UBE4B: variants seen among roughly 807,000 people sequenced by gnomAD.
The protein encoded by UBE4B is ubiquitin conjugation factor E4 B.
In UBE4B, 27 loss-of-function variants were observed where a neutral mutation model predicts 148.1. The ratio of observed to expected loss-of-function variants is 0.18; its 90% CI spans 0.13 to 0.25. The LOEUF is 0.25. UBE4B is among the 10% of genes least tolerant of loss of function. UBE4B has a pLI of 1.00. For missense variants in UBE4B, 1,170 were observed against 1,662.4 expected (o/e 0.70, Z 5.15); for synonymous variants, 596 against 619.3 (o/e 0.96, Z 0.56).
Position 10,119,263 on chromosome 1 carries a change from G to A in UBE4B, c.1339-250G>A, listed in dbSNP as rs145047884. Among the ~76,000 whole-genome samples the A allele has an allele frequency of 6.7e-3, 1,022 of 152,120 alleles. 13 individuals carry two copies. Among genetic ancestry groups the A allele is most frequent in the African/African-American group, 0.023 (962 of 41,490 alleles). On this transcript the variant is annotated intron_variant, in intron 8 of 27. Coordinates refer to ENST00000343090, the MANE Select transcript of UBE4B (RefSeq NM_001105562.3). ...GCTGGAATTACAGGTGTGAGCCACC[G>A]CGCCTGGCCTCTAAGGTTCTTAAGT...
At chr1:10,095,391 C>G in intron 2 of UBE4B, 70 bp from the exon 3 acceptor site, 2 of 1,582,370 alleles carry the variant, frequency 1.3e-6, no homozygotes, top group Non-Finnish European at 1.7e-6. Context: ...TGCGTGTTTA[C>G]TGTCGCTATT....
chr1:10,097,352 GAAA>G (rs1234926107), intron 3 of UBE4B, among the ~76,000 whole-genome samples: 1 of 150,908 alleles, frequency 6.6e-6, no homozygotes, highest in Non-Finnish European at 1.5e-5. Context: ...CTTTAAAAAA[GAAA>G]AAAAAGACAA....
intron 4 of UBE4B, 28 bp downstream of exon 4, chr1:10,101,223 A>G (rs780051391): frequency 4.4e-6 from 7 of 1,605,580 alleles, no homozygotes; most frequent in Non-Finnish European, 6.0e-6. Flanking sequence ...CCCTTGGTAC[A>G]GGTAATAGAA....
rs61760196 is a variant in UBE4B, at chr1:10,130,517, G to C, written c.1713G>C (p.Leu571Phe). ...CTGCCTAGGTTGCTTCTTTGCGGTTGTGGTTGCCGAAATCCTTAAGTCCTG... is the reference window on the plus strand; with the variant it reads ...CTGCCTAGGTTGCTTCTTTGCGGTTCTGGTTGCCGAAATCCTTAAGTCCTG... ...PVCNLVASLR[L>F]WLPKSLSPGC... Residue 571 changes from leucine (L) to phenylalanine (F), a missense_variant, in exon 13 of 28, where the codon TTG becomes TTC. Around this residue, in one of 6 missense-constraint regions of UBE4B, gnomAD observed 388 missense variants for 536.0 expected, o/e 0.72. Transcript: ENST00000343090. 43,870 of 1,614,032 alleles carry C rather than the reference G, an allele frequency of 0.027. 816 individuals carry two copies. The highest frequency in any genetic ancestry group is 0.074 in the East Asian group (3,318 of 44,882).
At chr1:10,067,545 G>T (rs1644411151) in intron 1 of UBE4B, among the ~76,000 whole-genome samples, 1 of 152,020 alleles carries the variant, frequency 6.6e-6, no homozygotes, top group African/African-American at 2.4e-5. Flanking sequence ...ACTATTTTTT[G>T]GTGTGTATCT....
chr1:10,067,572 G>A (rs554602322), intron 1 of UBE4B, among the ~76,000 whole-genome samples: 1 of 151,942 alleles, frequency 6.6e-6, no homozygotes, highest in African/African-American at 2.4e-5. Flanking sequence ...TTCTGTTTGT[G>A]ATAAAAAGTG....
chr1:10,145,185 C>A, intron 18 of UBE4B, 146 bp downstream of exon 18: 2 of 559,990 alleles, frequency 3.6e-6, no homozygotes, highest in Non-Finnish European at 6.3e-6. Context: ...TATTTTAAAA[C>A]TTGTTGATAC....
intron 2 of UBE4B, among the ~76,000 whole-genome samples, chr1:10,085,018 A>T (rs1644743675): frequency 1.3e-5 from 2 of 152,022 alleles, no homozygotes. Flanking sequence ...TCCAGTTTCC[A>T]GTTGGAATCC....
chr1:10,054,467 T>C (rs1232995116), intron 1 of UBE4B: 6 of 427,570 alleles, frequency 1.4e-5, no homozygotes, highest in Non-Finnish European at 2.7e-5. Context: ...AGGTAATAGG[T>C]TCCAGCAGCT....
intron 8 of UBE4B, among the ~76,000 whole-genome samples, chr1:10,118,399 G>A (rs968337372): frequency 2.0e-5 from 3 of 151,914 alleles, no homozygotes; most frequent in East Asian, 1.9e-4. Flanking sequence ...GTGCAGTGGC[G>A]CTATCTCAGC....
intron 23 of UBE4B, among the ~76,000 whole-genome samples, chr1:10,167,880 C>T (rs149847913): frequency 9.9e-5 from 15 of 152,212 alleles, no homozygotes; most frequent in African/African-American, 1.7e-4. Flanking sequence ...TGAGCCACCA[C>T]GCCCGGCAGA....
At chr1:10,087,593 A>G (rs1644784674) in intron 2 of UBE4B, among the ~76,000 whole-genome samples, 4 of 152,220 alleles carry the variant, frequency 2.6e-5, no homozygotes, top group African/African-American at 9.6e-5. Context: ...TTTGCTCATG[A>G]TAAGACTGGG....
intron 9 of UBE4B, among the ~76,000 whole-genome samples, chr1:10,120,795 G>A (rs554538078): frequency 1.3e-5 from 2 of 152,142 alleles, no homozygotes; most frequent in African/African-American, 4.8e-5. Context: ...CTGAGATCAC[G>A]CCACTTCACT....
At position 10,161,305 on chromosome 1, in the gene UBE4B, G is replaced by A. The variant is rs1646155806; in HGVS notation, c.3198+19G>A. ...GCCCCGGGTGAGGACGTGGTCCAGA[G>A]GCTTGGACAGCTTTGCAGGCCATCT... is the stretch of plus-strand genomic sequence containing the variant. On this transcript the variant is annotated intron_variant, in intron 23 of 27. Coordinates refer to ENST00000343090, the MANE Select transcript of UBE4B (RefSeq NM_001105562.3). This position sits in a 1 kb window ranked among gnomAD's most constrained non-coding sequence, Gnocchi z 4.1. 1 of 1,610,702 alleles carries A rather than the reference G, an allele frequency of 6.2e-7. No homozygotes were observed. Among genetic ancestry groups the A allele is most frequent in the Non-Finnish European group, 8.5e-7 (1 of 1,177,714 alleles).
chr1:10,179,249 T>C, intron 26 of UBE4B, 167 bp from the exon 27 acceptor site: 3 of 779,732 alleles, frequency 3.8e-6, no homozygotes, highest in South Asian at 3.7e-5. Context: ...AAAGGCAATG[T>C]ATATGCCTTT....
intron 4 of UBE4B, 86 bp from the exon 5 acceptor site, chr1:10,102,862 A>G: frequency 7.3e-7 from 1 of 1,377,930 alleles, no homozygotes; most frequent in African/African-American, 1.4e-5. Flanking sequence ...CTAATAATGA[A>G]TTAAATCAGA....
At chr1:10,176,919 G>GGGACTAC (rs1439856031) in intron 25 of UBE4B, among the ~76,000 whole-genome samples, 2 of 150,910 alleles carry the variant, frequency 1.3e-5, no homozygotes, top group Non-Finnish European at 2.9e-5. Flanking sequence ...CCAAATAGCT[G>GGGACTAC]GGACTACAGG....
chr1:10,062,956 C>CAA (rs529503429), intron 1 of UBE4B, among the ~76,000 whole-genome samples: 1 of 82,570 alleles, frequency 1.2e-5, no homozygotes, highest in Admixed American at 1.4e-4. Flanking sequence ...AACTCCGTCT[C>CAA]AAAAAAAAAA....
chr1:10,157,367 CT>C (rs1424469759), intron 21 of UBE4B, among the ~76,000 whole-genome samples: 1 of 151,710 alleles, frequency 6.6e-6, no homozygotes, highest in East Asian at 1.9e-4. Context: ...GTCCCAGCTA[CT>C]TGGGATGCTG....
Sources: gnomAD v4.1 joint callset for allele counts (sites outside exome capture counted in the v4.1 genomes callset) on GRCh38, gnomAD v4.1.1 for gene constraint, gnomAD v4.1.1 regional missense constraint, Gnocchi (gnomAD v3.1) non-coding constraint, MANE v1.5 for transcripts, NCBI Gene and HGNC (gene_info 2026-07-23, HGNC 2026-07-21) for gene names.